CUEDC1: variants seen among roughly 807,000 people sequenced by gnomAD.
CUEDC1 encodes the protein CUE domain containing 1.
Under a neutral mutation model 43.7 loss-of-function variants are expected in CUEDC1, and 30 were observed. That is an observed-to-expected ratio of 0.69 (90% CI 0.51 to 0.93). The LOEUF is 0.93. CUEDC1 is among the 40% of genes least tolerant of loss of function. The probability of loss-of-function intolerance (pLI) is 0.00; values close to 1 mark genes in which losing one functional copy is unlikely to be tolerated. For synonymous variants in CUEDC1, 223 were observed against 223.6 expected, an observed-to-expected ratio of 1.00 and a Z score of 0.02; for missense variants, 486 against 549.0, an observed-to-expected ratio of 0.89 and a Z score of 1.15.
chr17:57,923,346 G>C (rs888237872), intron 1 of CUEDC1, among the ~76,000 whole-genome samples: 15 of 152,194 alleles, frequency 9.9e-5, no homozygotes, highest in Admixed American at 2.0e-4. Context: ...TTGTCCTCAG[G>C]TGACTCTCTC....
intron 1 of CUEDC1, among the ~76,000 whole-genome samples, chr17:57,936,852 C>T (rs1228251888): frequency 6.8e-6 from 1 of 147,106 alleles, no homozygotes; most frequent in East Asian, 2.1e-4. Flanking sequence ...AACGGTGTCT[C>T]GCTGTATCAC....
At chr17:57,884,412 G>A (rs1054682291) in intron 2 of CUEDC1, among the ~76,000 whole-genome samples, 5 of 151,770 alleles carry the variant, frequency 3.3e-5, no homozygotes, top group Admixed American at 6.6e-5. Context: ...TGGCCAGGCT[G>A]GTCTCGAACT....
chr17:57,916,101 G>A (rs1221098371), intron 1 of CUEDC1, among the ~76,000 whole-genome samples: 2 of 152,234 alleles, frequency 1.3e-5, no homozygotes. Flanking sequence ...GGGCCGGAAA[G>A]GTTAAAGGCC....
intron 1 of CUEDC1, among the ~76,000 whole-genome samples, chr17:57,895,791 G>A (rs1025894058): frequency 2.2e-4 from 33 of 152,214 alleles, no homozygotes; most frequent in Admixed American, 2.1e-3. Flanking sequence ...AAGGGCCCAC[G>A]CTGGAGGAAG....
At chr17:57,882,186 GT>G (rs143478218) in intron 2 of CUEDC1, among the ~76,000 whole-genome samples, 4,128 of 151,546 alleles carry the variant, frequency 0.027, 194 homozygotes, top group African/African-American at 0.094. Context: ...CCCAGAAAGG[GT>G]TTTTTTTTCC....
Position 57,885,448 on chromosome 17 carries a change from G to T in CUEDC1, c.117C>A (p.Ala39=). 1 of 1,597,830 alleles carries T rather than the reference G, an allele frequency of 6.3e-7. No individual in the cohort carries two copies. Residue 39 remains alanine, a synonymous_variant, in exon 2 of 11, where the codon GCC becomes GCA. Transcript: ENST00000577830. ...APQELNNSRP[A]RQVRRLEFNQ... is the part of the protein sequence containing the mutation. ...TGAACTCCAGGCGGCGCACCTGGCG[G>T]GCAGGCCGGCTGTTGTTGAGCTCCT... is the stretch of plus-strand genomic sequence containing the variant.
Position 57,896,487 on chromosome 17 carries a change from G to GGCGGGGTGT in CUEDC1, c.-315-10609_-315-10608insACACCCCGC, listed in dbSNP as rs375270781. Among the ~76,000 whole-genome samples, 12 of 130,370 alleles carry GGCGGGGTGT rather than the reference G, an allele frequency of 9.2e-5. No homozygotes were observed. The East Asian group carries it at 2.5e-3, about 27-fold the overall frequency. 85.5% of individuals were successfully genotyped at this position (130,370 alleles called of 152,430 possible). A position where few individuals can be genotyped will look rare whatever the true frequency, so the allele number is the denominator to read the frequency against. On this transcript the variant is annotated intron_variant, in intron 1 of 10. Transcript: ENST00000577830. ...GTCACTCTACTATAGTGCATTATGG[G>GGCGGGGTGT]GTGTGTGTGTGTGTGTGTGTGTGTG... is the stretch of plus-strand genomic sequence containing the variant.
intron 1 of CUEDC1, among the ~76,000 whole-genome samples, chr17:57,904,042 C>T (rs1440330301): frequency 6.6e-6 from 1 of 151,966 alleles, no homozygotes; most frequent in Non-Finnish European, 1.5e-5. Flanking sequence ...GGCACAAGGC[C>T]GGCCACAGAG....
In CUEDC1 at chr17:57,862,456, T is replaced by C. The variant is rs553983080; in HGVS notation, c.*833A>G. Reference sequence around the variant, plus strand: ...GAGCCCCTGTGAGCCCCTACTGTGGTGTGACTCCAGAACTGGCTTTTGTCT... The same window carrying C: ...GAGCCCCTGTGAGCCCCTACTGTGGCGTGACTCCAGAACTGGCTTTTGTCT... On this transcript the variant is annotated 3_prime_UTR_variant, in exon 11 of 11. Transcript: ENST00000577830. 1 of 152,608 alleles carries C rather than the reference T, an allele frequency of 6.6e-6. No individual in the cohort carries two copies. The highest frequency in any genetic ancestry group is 2.4e-5 in the African/African-American group (1 of 41,548). The allele number at this position is 152,608 out of a possible 1,614,324, so 9.5% of individuals were successfully genotyped here.
At position 57,898,820 on chromosome 17, in the gene CUEDC1, G is replaced by A. The variant is rs118156661; in HGVS notation, c.-315-12941C>T. Among the ~76,000 whole-genome samples, 973 of 152,294 alleles carry A rather than the reference G, an allele frequency of 6.4e-3. 12 individuals carry two copies. Among genetic ancestry groups the A allele is most frequent in the Admixed American group, 0.011 (169 of 15,304 alleles). ...TCAGGGACCCCAAGGGAGGAGCAGG[G>A]AGCTGGGCCAGCAGCCCTGTGCCCA... is the stretch of plus-strand genomic sequence containing the variant. On this transcript the variant is annotated intron_variant, in intron 1 of 10. Coordinates refer to ENST00000577830, the MANE Select transcript of CUEDC1 (RefSeq NM_001271875.2).
At chr17:57,928,692 G>A (rs1253622445) in intron 1 of CUEDC1, among the ~76,000 whole-genome samples, 1 of 151,690 alleles carries the variant, frequency 6.6e-6, no homozygotes, top group East Asian at 1.9e-4. Context: ...AGCGAAGAGG[G>A]CAACTTGAGT....
chr17:57,952,493 G>C (rs1371433661), intron 1 of CUEDC1, among the ~76,000 whole-genome samples: 1 of 152,006 alleles, frequency 6.6e-6, no homozygotes, highest in Non-Finnish European at 1.5e-5. Context: ...TCCCAGAGTG[G>C]TGGGATTACA....
chr17:57,912,151 C>T (rs2074590172), intron 1 of CUEDC1, among the ~76,000 whole-genome samples: 1 of 152,150 alleles, frequency 6.6e-6, no homozygotes, highest in South Asian at 2.1e-4. Flanking sequence ...GAGACCGCTA[C>T]ACACACACAA....
intron 6 of CUEDC1, 74 bp from the exon 7 acceptor site, chr17:57,869,267 C>T: frequency 7.7e-7 from 1 of 1,307,100 alleles, no homozygotes; most frequent in Non-Finnish European, 1.1e-6. Flanking sequence ...ACCCACCCAT[C>T]TGAGGACAAA....
chr17:57,869,055 T>C, intron 7 of CUEDC1, 67 bp downstream of exon 7: 1 of 1,543,608 alleles, frequency 6.5e-7, no homozygotes, highest in African/African-American at 1.4e-5. Flanking sequence ...GCTCCCTCAC[T>C]CCTGGGAGGC....
chr17:57,946,603 G>C (rs915589929), intron 1 of CUEDC1, among the ~76,000 whole-genome samples: 2 of 152,018 alleles, frequency 1.3e-5, no homozygotes, highest in African/African-American at 4.8e-5. Context: ...GCACCGTAGA[G>C]GCTGATCTTA....
chr17:57,900,729 A>G (rs757862436), intron 1 of CUEDC1, among the ~76,000 whole-genome samples: 12 of 152,224 alleles, frequency 7.9e-5, no homozygotes, highest in South Asian at 2.1e-4. Flanking sequence ...TTGCATGTAC[A>G]TGTCAAGTCT....
intron 1 of CUEDC1, among the ~76,000 whole-genome samples, chr17:57,933,426 T>C (rs1209310073): frequency 6.6e-6 from 1 of 152,126 alleles, no homozygotes; most frequent in African/African-American, 2.4e-5. Flanking sequence ...TTTATACTAA[T>C]CAAAAAAGCT....
intron 1 of CUEDC1, among the ~76,000 whole-genome samples, chr17:57,946,739 G>A (rs932765397): frequency 1.3e-5 from 2 of 152,142 alleles, no homozygotes; most frequent in Non-Finnish European, 2.9e-5. Flanking sequence ...TCCCTAGCTC[G>A]AGGCTCAGTG....
Sources: allele counts gnomAD v4.1 joint callset (sites outside exome capture counted in the v4.1 genomes callset), GRCh38; gene constraint gnomAD v4.1.1; transcripts MANE v1.5; gene names NCBI Gene and HGNC (gene_info 2026-07-23, HGNC 2026-07-21).